Variants in NAV2 observed in about 807,000 individuals in gnomAD.
NAV2 encodes helicase, APC down-regulated 1.
Under a neutral mutation model 223.2 loss-of-function variants are expected in NAV2, and 54 were observed. That is an observed-to-expected ratio of 0.24 (90% CI 0.19 to 0.30). NAV2 has a LOEUF of 0.30. NAV2 is among the 10% of genes least tolerant of loss of function. The pLI is 1.00. For missense variants in NAV2, 2,806 were observed against 3,147.5 expected (o/e 0.89, Z 2.60); for synonymous variants, 1,279 against 1,239.3 (o/e 1.03, Z -0.67).
intron 1 of NAV2, among the ~76,000 whole-genome samples, chr11:19,799,531 A>C (rs2152761753): frequency 6.7e-6 from 1 of 148,474 alleles, no homozygotes; most frequent in East Asian, 2.0e-4. Context: ...GCTGGGCTGC[A>C]ACTGGCCAGG....
At chr11:19,982,346 C>T (rs2050374459) in intron 10 of NAV2, among the ~76,000 whole-genome samples, 2 of 152,108 alleles carry the variant, frequency 1.3e-5, no homozygotes, top group South Asian at 2.1e-4. Context: ...CGGCTCACTG[C>T]AACCTCCACC....
In NAV2 at chr11:19,554,907, A is replaced by G. The variant is rs147512231; in HGVS notation, c.75+203880A>G. Among the ~76,000 whole-genome samples the G allele has an allele frequency of 5.5e-3, 836 of 151,648 alleles. 23 individuals carry two copies. Among genetic ancestry groups the G allele is most frequent in the Admixed American group, 0.039 (586 of 15,178 alleles). ...GGTTGCAGTGAGCTGAGATCGCGTC[A>G]TTGCACTTCAGCCTGGGCAACAAGA... On this transcript the variant is annotated intron_variant, in intron 1 of 37. Coordinates refer to the NAV2 transcript ENST00000360655.
chr11:20,038,446 C>A (rs944875009), intron 12 of NAV2, among the ~76,000 whole-genome samples: 2 of 152,140 alleles, frequency 1.3e-5, no homozygotes, highest in African/African-American at 4.8e-5. Flanking sequence ...AGATTTCTAA[C>A]GCAATGGTTT....
At chr11:19,681,621 G>A (rs984358013) in intron 1 of NAV2, among the ~76,000 whole-genome samples, 1 of 152,228 alleles carries the variant, frequency 6.6e-6, no homozygotes, top group African/African-American at 2.4e-5. Flanking sequence ...CCCTTGGGAT[G>A]AGCCCTTGGT....
At chr11:19,589,569 G>A (rs1783444757) in intron 1 of NAV2, among the ~76,000 whole-genome samples, 1 of 152,172 alleles carries the variant, frequency 6.6e-6, no homozygotes, top group African/African-American at 2.4e-5. Flanking sequence ...AAGGAACAGG[G>A]CATATCCATA....
chr11:19,438,908 TA>T (rs896819906), intron 1 of NAV2, among the ~76,000 whole-genome samples: 1 of 150,568 alleles, frequency 6.6e-6, no homozygotes, highest in African/African-American at 2.4e-5. Context: ...TTTTTTTTTG[TA>T]GAGGTTTCAT....
At chr11:19,726,184 A>G (rs1401953517) in intron 1 of NAV2, among the ~76,000 whole-genome samples, 1 of 152,228 alleles carries the variant, frequency 6.6e-6, no homozygotes, top group Admixed American at 6.5e-5. Context: ...AACAGGCTAG[A>G]TTATTTCATT....
chr11:20,107,405 G>A (rs1027808435), intron 35 of NAV2: 2 of 474,610 alleles, frequency 4.2e-6, no homozygotes, highest in African/African-American at 3.9e-5. Flanking sequence ...TAAAAATCAA[G>A]ATTAGTGATG....
At chr11:19,424,809 C>T (rs1017719087) in intron 1 of NAV2, among the ~76,000 whole-genome samples, 2 of 152,064 alleles carry the variant, frequency 1.3e-5, no homozygotes, top group African/African-American at 4.8e-5. Context: ...CCTCAGCCTC[C>T]CAAAGCGCTA....
At chr11:19,867,001 A>C (rs1331122420) in intron 3 of NAV2, among the ~76,000 whole-genome samples, 2 of 152,176 alleles carry the variant, frequency 1.3e-5, no homozygotes, top group East Asian at 3.8e-4. Flanking sequence ...TTTTATTATT[A>C]TTTAAATACT....
At chr11:19,354,162 C>T (rs777952741) in intron 1 of NAV2, among the ~76,000 whole-genome samples, 1 of 152,110 alleles carries the variant, frequency 6.6e-6, no homozygotes, top group Non-Finnish European at 1.5e-5. Context: ...TATGAAGTGC[C>T]TCCTTGTGCC....
intron 1 of NAV2, among the ~76,000 whole-genome samples, chr11:19,667,079 C>T (rs1376163111): frequency 6.6e-6 from 1 of 151,916 alleles, no homozygotes; most frequent in African/African-American, 2.4e-5. Context: ...TCTGTATGTT[C>T]CCATTGTCAG....
chr11:19,837,138 A>G (rs114556074), intron 2 of NAV2, among the ~76,000 whole-genome samples: 1,822 of 152,352 alleles, frequency 0.012, 46 homozygotes, highest in African/African-American at 0.042. Flanking sequence ...TACAAAGAAT[A>G]ATCCAATCTG....
chr11:19,464,282 G>T (rs1852269714), intron 1 of NAV2, among the ~76,000 whole-genome samples: 1 of 152,126 alleles, frequency 6.6e-6, no homozygotes, highest in Non-Finnish European at 1.5e-5. Flanking sequence ...TTGCTATTGT[G>T]AGGGGCTGGG....
chr11:19,726,042 C>T (rs141603357), intron 1 of NAV2, among the ~76,000 whole-genome samples: 69 of 152,228 alleles, frequency 4.5e-4, no homozygotes, highest in African/African-American at 1.6e-3. Context: ...CGCCGTTCTG[C>T]GGTGTGTTGC....
chr11:19,951,903 C>T (rs2047429495), intron 10 of NAV2, among the ~76,000 whole-genome samples: 1 of 152,206 alleles, frequency 6.6e-6, no homozygotes, highest in Non-Finnish European at 1.5e-5. Flanking sequence ...AACTGGAGAA[C>T]TTTGGTCTGG....
intron 1 of NAV2, among the ~76,000 whole-genome samples, chr11:19,515,158 A>G (rs2043407175): frequency 6.6e-6 from 1 of 152,226 alleles, no homozygotes; most frequent in Non-Finnish European, 1.5e-5. Flanking sequence ...AGATATTCTT[A>G]ACCTCATATA....
At chr11:19,527,012 T>C (rs2043861450) in intron 1 of NAV2, among the ~76,000 whole-genome samples, 1 of 152,144 alleles carries the variant, frequency 6.6e-6, no homozygotes, top group South Asian at 2.1e-4. Flanking sequence ...TATTTCTCCA[T>C]GCTATGGCAT....
chr11:19,923,270 A>C (rs2044436234), intron 6 of NAV2, among the ~76,000 whole-genome samples: 3 of 152,154 alleles, frequency 2.0e-5, no homozygotes. Context: ...TCTTTAAACT[A>C]TCCCATAAAA....
Sources: allele counts gnomAD v4.1 joint callset (sites outside exome capture counted in the v4.1 genomes callset), GRCh38; gene constraint gnomAD v4.1.1; transcripts MANE v1.5; gene names NCBI Gene and HGNC (gene_info 2026-07-23, HGNC 2026-07-21).